ZNF549: variants seen among roughly 807,000 people sequenced by gnomAD.
The protein encoded by ZNF549 is zinc finger protein 549.
ZNF549 carries 11 observed loss-of-function variants against 11.1 expected under a neutral mutation model. The ratio of observed to expected loss-of-function variants is 0.99; its 90% confidence interval spans 0.62 to 1.64. The LOEUF (loss-of-function observed/expected upper bound fraction) is 1.64, where lower values mean the gene tolerates loss of function less well. ZNF549 is among the 40% of genes most tolerant of loss of function. The pLI, the probability that ZNF549 is intolerant of heterozygous loss-of-function variation, is 0.00. For synonymous variants in ZNF549, 266 were observed against 269.1 expected (o/e 0.99, Z 0.11); for missense variants, 748 against 765.1 (o/e 0.98, Z 0.26).
At chr19:57,530,213 T>G (rs946244475) in intron 1 of ZNF549, among the ~76,000 whole-genome samples, 4 of 152,144 alleles carry the variant, frequency 2.6e-5, no homozygotes, top group Non-Finnish European at 5.9e-5. Flanking sequence ...GAGCCCCACC[T>G]CTGGCATCCA....
chr19:57,530,304 T>C (rs2089898727), intron 1 of ZNF549, among the ~76,000 whole-genome samples: 1 of 152,184 alleles, frequency 6.6e-6, no homozygotes, highest in African/African-American at 2.4e-5. Context: ...TTGTGAACAC[T>C]TGGAAGTGCT....
chr19:57,537,824 C>A lies in ZNF549; in HGVS notation c.820C>A (p.Pro274Thr). 2 of 1,614,118 alleles carry A rather than the reference C, an allele frequency of 1.2e-6. No individual in the cohort carries two copies. The highest frequency in any genetic ancestry group is 4.5e-5 in the East Asian group (2 of 44,882). The part of the protein sequence containing the change: ...EHQRTHNAEK[P>T]YVCNICGKSF... ...CCAGAGAACCCATAATGCAGAAAAGCCTTATGTGTGCAATATATGTGGGAA... is the reference window on the plus strand; with the variant it reads ...CCAGAGAACCCATAATGCAGAAAAGACTTATGTGTGCAATATATGTGGGAA... Residue 274 changes from proline to threonine, a missense_variant, in exon 4 of 4, where the codon CCT (proline) becomes ACT (threonine). Pro to Thr is a conservative substitution (Grantham distance 38). Coordinates refer to ENST00000376233, the MANE Select transcript of ZNF549 (RefSeq NM_001199295.2).
At position 57,535,196 on chromosome 19, in the gene ZNF549, G is replaced by A; in HGVS notation, c.125G>A (p.Gly42Asp). 6.2e-7 allele frequency: 1 copy of A among 1,614,076 alleles called. No homozygotes were observed. Among genetic ancestry groups the A allele is most frequent in the Non-Finnish European group, 8.5e-7 (1 of 1,179,952 alleles). ...GTGTACTTCTCCCAGGAGGAGTGGG[G>A]CCTCCTTGATGAAGCTCAAAGGTGC... Reference protein sequence around the residue: ...IAVYFSQEEWGLLDEAQRCLY... With the variant: ...IAVYFSQEEWDLLDEAQRCLY... The change falls in exon 3 of 4, where the codon GGC becomes GAC. Residue 42 changes from glycine (G) to aspartate (D), a missense_variant. Physicochemically the swap from Gly to Asp is moderately conservative, Grantham distance 94. Transcript: ENST00000376233.
intron 2 of ZNF549, among the ~76,000 whole-genome samples, chr19:57,533,524 ATT>A (rs549938729): frequency 6.1e-5 from 9 of 148,148 alleles, no homozygotes; most frequent in African/African-American, 2.0e-4. Flanking sequence ...GCACAAGGGG[ATT>A]TTTTTTTTTC....
intron 1 of ZNF549, 23 bp downstream of exon 1, chr19:57,527,629 C>T: frequency 6.2e-7 from 1 of 1,612,618 alleles, no homozygotes; most frequent in Non-Finnish European, 8.5e-7. Context: ...TCCTCGGATC[C>T]TCACCTGGGT....
At chr19:57,535,469 G>A in intron 3 of ZNF549, 199 bp downstream of exon 3, 1 of 662,354 alleles carries the variant, frequency 1.5e-6, no homozygotes. Flanking sequence ...AAGCCTTTTA[G>A]TTAAGAGTTT....
intron 1 of ZNF549, 41 bp downstream of exon 1, chr19:57,527,647 C>G (rs1600162214): frequency 6.2e-7 from 1 of 1,606,588 alleles, no homozygotes; most frequent in Non-Finnish European, 8.5e-7. Context: ...GGTCCTGAGG[C>G]CCCGGACTGG....
intron 2 of ZNF549, among the ~76,000 whole-genome samples, chr19:57,532,189 C>G (rs2089907081): frequency 6.6e-6 from 1 of 152,060 alleles, no homozygotes; most frequent in Non-Finnish European, 1.5e-5. Context: ...CAGAGCAGAC[C>G]TTGTATTATT....
chr19:57,538,816 G>A lies in ZNF549; in HGVS notation c.1812G>A (p.Gln604=), dbSNP rs760476774. 1 of 1,614,108 alleles carries A rather than the reference G, an allele frequency of 6.2e-7. No individual in the cohort carries two copies. The change falls in exon 4 of 4, where the codon CAG becomes CAA. Residue 604 remains glutamine, a synonymous_variant. Coordinates refer to ENST00000376233, the MANE Select transcript of ZNF549 (RefSeq NM_001199295.2). ...FIYKNKLVEH[Q]RIHTGEKPYE... Reference sequence around the variant, plus strand: ...ATAAAAACAAACTTGTTGAGCATCAGCGAATCCACACCGGAGAAAAGCCGT... The same window carrying A: ...ATAAAAACAAACTTGTTGAGCATCAACGAATCCACACCGGAGAAAAGCCGT...
chr19:57,539,004 G>A lies in ZNF549; in HGVS notation c.*77G>A. The stretch of plus-strand genomic sequence containing the variant: ...GATTTTTCAAGGGATCCAACAGACA[G>A]AAATTCACCCTCATACATCTGCATA... On this transcript the variant is annotated 3_prime_UTR_variant, in exon 4 of 4. Transcript: ENST00000376233. 2 of 1,461,966 alleles carry A rather than the reference G, an allele frequency of 1.4e-6. No individual in the cohort carries two copies. The highest frequency in any genetic ancestry group is 9.1e-7 in the Non-Finnish European group (1 of 1,093,338). The allele number at this position is 1,461,966 out of a possible 1,614,324, so 90.6% of individuals were successfully genotyped here.
rs2089949190 is a variant in ZNF549, at chr19:57,540,206, A to G, written c.*1279A>G. ...TCTTTATTACTTCCCGTTTATTGCCACTGCTGAGAAGGCTGTCCTTCCTAA... is the reference window on the plus strand; with the variant it reads ...TCTTTATTACTTCCCGTTTATTGCCGCTGCTGAGAAGGCTGTCCTTCCTAA... On this transcript the variant is annotated 3_prime_UTR_variant, in exon 4 of 4. Coordinates refer to ENST00000376233, the MANE Select transcript of ZNF549 (RefSeq NM_001199295.2). 1 of 152,204 alleles carries G rather than the reference A, an allele frequency of 6.6e-6. No homozygotes were observed. The highest frequency in any genetic ancestry group is 2.1e-4 in the South Asian group (1 of 4,836). The allele number at this position is 152,204 out of a possible 1,614,324, so 9.4% of individuals were successfully genotyped here. A position where few individuals can be genotyped will look rare whatever the true frequency, so the allele number is the denominator to read the frequency against.
intron 2 of ZNF549, among the ~76,000 whole-genome samples, chr19:57,533,416 C>G (rs1447925094): frequency 6.6e-6 from 1 of 152,146 alleles, no homozygotes. Flanking sequence ...GCAGGTTAGG[C>G]TCTGATTAAC....
intron 3 of ZNF549, 44 bp downstream of exon 3, chr19:57,535,314 G>A (rs1230609700): frequency 6.4e-7 from 1 of 1,566,578 alleles, no homozygotes; most frequent in Non-Finnish European, 8.7e-7. Flanking sequence ...GCTGGACTCT[G>A]CTCTTCCCCT....
In ZNF549 at chr19:57,538,887, T is replaced by G. The variant is rs576561792; in HGVS notation, c.1883T>G (p.Leu628Arg). 3.2e-5 allele frequency: 51 copies of G among 1,608,408 alleles called. No homozygotes were observed. In the East Asian group the frequency reaches 1.1e-3, roughly 34 times the overall value. ...CGKAFNKRYS[L>R]VRHQKVHITE... Reference sequence around the variant, plus strand: ...AAAGCCTTCAACAAAAGATATTCCCTTGTCAGGCACCAGAAGGTACATATA... The same window carrying G: ...AAAGCCTTCAACAAAAGATATTCCCGTGTCAGGCACCAGAAGGTACATATA... The change falls in exon 4 of 4, where the codon CTT becomes CGT. Residue 628 changes from leucine (L) to arginine (R), a missense_variant. Leu to Arg is a moderately radical substitution (Grantham distance 102). Transcript: ENST00000376233.
In ZNF549 at chr19:57,537,531, C is replaced by T. The variant is rs199808290; in HGVS notation, c.527C>T (p.Pro176Leu). Reference protein sequence around the residue: ...SALLLNSCKIPLSDNLFPCKD... With the variant: ...SALLLNSCKILLSDNLFPCKD... ...TTGCTTCTGAATAGCTGCAAAATTC[C>T]TCTGTCAGACAATCTTTTCCCATGC... Residue 176 changes from proline to leucine, a missense_variant, in exon 4 of 4, where the codon CCT becomes CTT. Coordinates refer to ENST00000376233, the MANE Select transcript of ZNF549 (RefSeq NM_001199295.2). The T allele has an allele frequency of 6.2e-7, 1 of 1,614,082 alleles. No homozygotes were observed. Among genetic ancestry groups the T allele is most frequent in the African/African-American group, 1.3e-5 (1 of 74,928 alleles).
chr19:57,532,892 A>G (rs562992674), intron 2 of ZNF549, among the ~76,000 whole-genome samples: 1 of 152,306 alleles, frequency 6.6e-6, no homozygotes, highest in South Asian at 2.1e-4. Context: ...TTTTTGCCTC[A>G]TATAGTTTGA....
chr19:57,532,128 T>TACATC (rs2089906785), intron 2 of ZNF549, among the ~76,000 whole-genome samples: 1 of 152,228 alleles, frequency 6.6e-6, no homozygotes, highest in Non-Finnish European at 1.5e-5. Context: ...ATTTTGGGAT[T>TACATC]TGCCAGCTCT....
At position 57,538,530 on chromosome 19, in the gene ZNF549, G is replaced by T. The variant is rs140660235; in HGVS notation, c.1526G>T (p.Gly509Val). Residue 509 changes from glycine to valine, a missense_variant, in exon 4 of 4, where the codon GGC becomes GTC. Gly to Val is a moderately radical substitution (Grantham distance 109). Transcript: ENST00000376233. ...TATGAATGCAGTGAATGTGGAAAAG[G>T]CTTCTACCTTGAGGTTAAACTTCTT... ...RPYECSECGK[G>V]FYLEVKLLQH... The T allele has an allele frequency of 3.7e-6, 6 of 1,614,116 alleles. 1 individual carries two copies. The highest frequency in any genetic ancestry group is 1.6e-4 in the Middle Eastern group (1 of 6,062).
At position 57,535,223 on chromosome 19, in the gene ZNF549, T is replaced by A; in HGVS notation, c.152T>A (p.Leu51Gln). 6.2e-6 allele frequency: 10 copies of A among 1,614,084 alleles called. No individual in the cohort carries two copies. The highest frequency in any genetic ancestry group is 8.5e-6 in the Non-Finnish European group (10 of 1,179,944). The change falls in exon 3 of 4, where the codon CTG (leucine) becomes CAG (glutamine). Residue 51 changes from leucine (L) to glutamine (Q), a missense_variant. Coordinates refer to ENST00000376233, the MANE Select transcript of ZNF549 (RefSeq NM_001199295.2). ...WGLLDEAQRC[L>Q]YHDVMLENFS... ...CTCCTTGATGAAGCTCAAAGGTGCC[T>A]GTATCATGATGTGATGCTGGAGAAC...
Sources: gnomAD v4.1 joint callset for allele counts (sites outside exome capture counted in the v4.1 genomes callset) on GRCh38, gnomAD v4.1.1 for gene constraint, MANE v1.5 for transcripts, NCBI Gene and HGNC (gene_info 2026-07-23, HGNC 2026-07-21) for gene names.